Variants in ATP11A observed in about 807,000 individuals in gnomAD.
The protein encoded by ATP11A is ATPase phospholipid transporting 11A.
Under a neutral mutation model 154.4 loss-of-function variants are expected in ATP11A, and 81 were observed. The observed-to-expected ratio is 0.52, with a 90% CI of 0.44 to 0.63. ATP11A has a LOEUF of 0.63. Ranked by LOEUF, ATP11A falls within the 30% of genes least tolerant of loss-of-function variation. The pLI, the probability that ATP11A is intolerant of heterozygous loss-of-function variation, is 0.00. For missense variants in ATP11A, 1,316 were observed against 1,474.3 expected, an observed-to-expected ratio of 0.89 and a Z score of 1.76; for synonymous variants, 623 against 585.9, an observed-to-expected ratio of 1.06 and a Z score of -0.91.
chr13:112,702,527 A>C (rs1194828109), intron 1 of ATP11A, among the ~76,000 whole-genome samples: 1 of 152,098 alleles, frequency 6.6e-6, no homozygotes, highest in African/African-American at 2.4e-5. Flanking sequence ...CCGATGTGCC[A>C]GGGTGGGTTC....
intron 4 of ATP11A, among the ~76,000 whole-genome samples, chr13:112,808,051 G>C (rs1461747498): frequency 6.6e-6 from 1 of 152,218 alleles, no homozygotes; most frequent in East Asian, 1.9e-4. Flanking sequence ...GTGGAGTAGG[G>C]AGGGCGGCTC....
At chr13:112,803,565 T>C (rs916642364) in intron 2 of ATP11A, among the ~76,000 whole-genome samples, 12 of 141,088 alleles carry the variant, frequency 8.5e-5, no homozygotes, top group Non-Finnish European at 9.3e-5. Flanking sequence ...CCAAACTCAG[T>C]GAAGGTTCGT....
At chr13:112,817,602 G>A (rs1055004245) in intron 6 of ATP11A, among the ~76,000 whole-genome samples, 8 of 152,184 alleles carry the variant, frequency 5.3e-5, no homozygotes, top group Admixed American at 2.0e-4. Context: ...GCAGCCAGTC[G>A]CTGCCTTTAC....
chr13:112,716,840 C>A (rs780070213), intron 1 of ATP11A, among the ~76,000 whole-genome samples: 2 of 152,058 alleles, frequency 1.3e-5, no homozygotes, highest in Non-Finnish European at 2.9e-5. Context: ...TCCCAGCCTC[C>A]CTCAATTTCT....
chr13:112,808,484 G>A (rs1204658307), intron 4 of ATP11A, among the ~76,000 whole-genome samples: 1 of 67,530 alleles, frequency 1.5e-5, no homozygotes, highest in African/African-American at 5.7e-5. Flanking sequence ...CCACCCCCTC[G>A]ACCTTCCCCC....
At chr13:112,784,336 A>G (rs980412578) in intron 1 of ATP11A, among the ~76,000 whole-genome samples, 3 of 152,148 alleles carry the variant, frequency 2.0e-5, no homozygotes, top group African/African-American at 7.2e-5. Flanking sequence ...TCTTATGGAA[A>G]GCTGCCTCTG....
Position 112,886,113 on chromosome 13 carries a change from C to T in ATP11A, c.*4247C>T, listed in dbSNP as rs2080977490. 6.6e-6 allele frequency: 1 copy of T among 152,350 alleles called. No individual in the cohort carries two copies. The highest frequency in any genetic ancestry group is 1.5e-5 in the Non-Finnish European group (1 of 68,120). The allele number at this position is 152,350 out of a possible 1,614,324, so 9.4% of individuals were successfully genotyped here. On this transcript the variant is annotated 3_prime_UTR_variant, in exon 30 of 30. Coordinates refer to ENST00000375645, the MANE Select transcript of ATP11A (RefSeq NM_015205.3). ...AGCCAGCTGGGAAGGGCCGCGGCCGCCTAAAGCCCCAGTCAACCCAGCCTG... is the reference window on the plus strand; with the variant it reads ...AGCCAGCTGGGAAGGGCCGCGGCCGTCTAAAGCCCCAGTCAACCCAGCCTG...
At chr13:112,879,688 G>A (rs1255450096) in intron 29 of ATP11A, among the ~76,000 whole-genome samples, 1 of 152,214 alleles carries the variant, frequency 6.6e-6, no homozygotes, top group Admixed American at 6.5e-5. Flanking sequence ...AGCGCCTGCA[G>A]CCAGCACATG....
chr13:112,782,367 T>C (rs1012359299), intron 1 of ATP11A, among the ~76,000 whole-genome samples: 2 of 152,222 alleles, frequency 1.3e-5, no homozygotes, highest in African/African-American at 4.8e-5. Context: ...AGTTGCCGTC[T>C]TTGAAGCTTC....
chr13:112,826,788 T>C lies in ATP11A; in HGVS notation c.1118T>C (p.Phe373Ser), dbSNP rs774459870. The C allele has an allele frequency of 1.9e-6, 3 of 1,614,010 alleles. No individual in the cohort carries two copies. Among genetic ancestry groups the C allele is most frequent in the Non-Finnish European group, 2.5e-6 (3 of 1,180,044 alleles). Residue 373 changes from phenylalanine to serine, a missense_variant, in exon 12 of 30, where the codon TTC (phenylalanine) becomes TCC (serine). Coordinates refer to ENST00000375645, the MANE Select transcript of ATP11A (RefSeq NM_015205.3). ...SMYVTVEMQK[F>S]LGSYFITWDE... Reference sequence around the variant, plus strand: ...TACGTCACGGTCGAGATGCAGAAGTTCCTCGGCTCTTACTTCATCACCTGG... The same window carrying C: ...TACGTCACGGTCGAGATGCAGAAGTCCCTCGGCTCTTACTTCATCACCTGG...
At chr13:112,763,979 C>T (rs1401478009) in intron 1 of ATP11A, among the ~76,000 whole-genome samples, 3 of 152,240 alleles carry the variant, frequency 2.0e-5, no homozygotes, top group Non-Finnish European at 4.4e-5. Context: ...ATGGTTTTAA[C>T]TTTGGCAAAA....
chr13:112,864,702 C>A (rs35443231), intron 25 of ATP11A, among the ~76,000 whole-genome samples: 53 of 43,468 alleles, frequency 1.2e-3, no homozygotes, highest in Middle Eastern at 0.016. Flanking sequence ...CCATCACCAC[C>A]TGCGCAGTAA....
At chr13:112,852,348 A>G (rs1474878395) in intron 18 of ATP11A, among the ~76,000 whole-genome samples, 1 of 152,224 alleles carries the variant, frequency 6.6e-6, no homozygotes, top group East Asian at 1.9e-4. Context: ...CGTGTTGAAC[A>G]AATGTTCCTT....
At position 112,859,459 on chromosome 13, in the gene ATP11A, C is replaced by T. The variant is rs760332059; in HGVS notation, c.2727+7C>T. The T allele has an allele frequency of 1.9e-6, 3 of 1,611,482 alleles. No homozygotes were observed. The highest frequency in any genetic ancestry group is 3.3e-5 in the Admixed American group (2 of 60,006). On this transcript the variant is annotated splice_region_variant and intron_variant, in intron 23 of 29. Transcript: ENST00000375645. The surrounding 1 kb of genome is among the most constrained non-coding windows in gnomAD (Gnocchi z 4.3). ...CTGTGGGTTTTCACAACAGGTCAGT[C>T]CTAGGGTCTTCAGGGACAGGCTGTC...
In ATP11A at chr13:112,785,042, G is replaced by A. The variant is rs1594680588; in HGVS notation, c.40-93G>A. The A allele has an allele frequency of 1.0e-5, 14 of 1,351,042 alleles. No individual in the cohort carries two copies. Among genetic ancestry groups the A allele is most frequent in the African/African-American group, 1.5e-5 (1 of 66,422 alleles). 83.7% of individuals were successfully genotyped at this position (1,351,042 alleles called of 1,614,324 possible). On this transcript the variant is annotated intron_variant, in intron 1 of 29. Transcript: ENST00000375645. The surrounding 1 kb of genome is among the most constrained non-coding windows in gnomAD (Gnocchi z 4.8). ...CTCTCAGCAGCAGGTACAGGTCTCC[G>A]TTCCGACGAACGTGCCTCAAGGCAA...
At chr13:112,794,879 G>T (rs910296457) in intron 2 of ATP11A, among the ~76,000 whole-genome samples, 1 of 150,510 alleles carries the variant, frequency 6.6e-6, no homozygotes, top group African/African-American at 2.4e-5. Flanking sequence ...CTCAAGAAAA[G>T]AAAAGAAAAA....
intron 1 of ATP11A, among the ~76,000 whole-genome samples, chr13:112,698,792 G>A (rs892322003): frequency 6.6e-6 from 1 of 152,070 alleles, no homozygotes; most frequent in African/African-American, 2.4e-5. Flanking sequence ...CGCTATTTCG[G>A]CTCAGTGCAA....
intron 1 of ATP11A, among the ~76,000 whole-genome samples, chr13:112,763,178 A>G (rs540210769): frequency 6.6e-6 from 1 of 152,316 alleles, no homozygotes; most frequent in Admixed American, 6.5e-5. Context: ...ACGTTATAAC[A>G]ACAGCTATTA....
rs1023439259 is a variant in ATP11A, at chr13:112,838,994, C to T, written c.1705+2743C>T. ...GGGGTTGCGGCTGTCAGAGCCGGAT[C>T]TCACTGTTTTGGGGCTGAGCAGCCC... On this transcript the variant is annotated intron_variant, in intron 16 of 29. Coordinates refer to ENST00000375645, the MANE Select transcript of ATP11A (RefSeq NM_015205.3). The surrounding 1 kb of genome is among the most constrained non-coding windows in gnomAD (Gnocchi z 7.3). Among the ~76,000 whole-genome samples the T allele has an allele frequency of 3.9e-5, 6 of 152,280 alleles. No homozygotes were observed. Among genetic ancestry groups the T allele is most frequent in the African/African-American group, 1.4e-4 (6 of 41,566 alleles).
Sources: gnomAD v4.1 joint callset for allele counts (sites outside exome capture counted in the v4.1 genomes callset) on GRCh38, gnomAD v4.1.1 for gene constraint, Gnocchi (gnomAD v3.1) non-coding constraint, MANE v1.5 for transcripts, NCBI Gene and HGNC (gene_info 2026-07-23, HGNC 2026-07-21) for gene names.